The following SV2C variants were observed in gnomAD, a reference collection of about 807,000 sequenced individuals.
The protein encoded by SV2C is solute carrier family 22 member B3.
A neutral mutation model predicts 79.7 loss-of-function variants in SV2C; 49 were observed. The ratio of observed to expected loss-of-function variants is 0.61; its 90% CI spans 0.49 to 0.78. The LOEUF is 0.78. SV2C is among the 30% of genes least tolerant of loss of function. SV2C has a pLI of 0.00. For synonymous variants in SV2C, 334 were observed against 333.2 expected (o/e 1.00, Z -0.03); for missense variants, 833 against 912.9 (o/e 0.91, Z 1.13).
the SV2C span, among the ~76,000 whole-genome samples, chr5:75,997,601 C>T: frequency 6.6e-6 from 1 of 152,178 alleles, no homozygotes; most frequent in African/African-American, 2.4e-5. Context: ...TGCTCATCAT[C>T]ACTGGCCATC....
chr5:75,931,548 A>G, the SV2C span, among the ~76,000 whole-genome samples: 1 of 152,194 alleles, frequency 6.6e-6, no homozygotes, highest in Non-Finnish European at 1.5e-5. Context: ...TGGCTTTTCC[A>G]TAAATGTTGT....
chr5:75,970,198 C>G, the SV2C span, among the ~76,000 whole-genome samples: 1 of 151,914 alleles, frequency 6.6e-6, no homozygotes, highest in Non-Finnish European at 1.5e-5. Context: ...ATGTATAGCA[C>G]TAAATGCCCA....
At chr5:76,077,610 C>A in the SV2C span, among the ~76,000 whole-genome samples, 10 of 152,154 alleles carry the variant, frequency 6.6e-5, no homozygotes, top group African/African-American at 2.4e-4. Context: ...ATGGGGGCAC[C>A]AGCCACAAGA....
chr5:76,280,193 G>A (rs1747140694), intron 4 of SV2C, among the ~76,000 whole-genome samples: 1 of 152,096 alleles, frequency 6.6e-6, no homozygotes, highest in Non-Finnish European at 1.5e-5. Context: ...CAAACAAATG[G>A]AGAGAGAAAT....
intron 2 of SV2C, among the ~76,000 whole-genome samples, chr5:76,192,778 A>G (rs1339533380): frequency 6.6e-6 from 1 of 152,232 alleles, no homozygotes; most frequent in Non-Finnish European, 1.5e-5. Context: ...TTAGTTTTCA[A>G]TACAAACTAA....
At chr5:75,979,223 A>G in the SV2C span, among the ~76,000 whole-genome samples, 1 of 152,170 alleles carries the variant, frequency 6.6e-6, no homozygotes, top group Non-Finnish European at 1.5e-5. Flanking sequence ...GTGCACCCAG[A>G]TTCATAAAGC....
At chr5:76,220,991 G>A (rs540687547) in intron 4 of SV2C, among the ~76,000 whole-genome samples, 5 of 152,278 alleles carry the variant, frequency 3.3e-5, no homozygotes, top group Non-Finnish European at 5.9e-5. Context: ...GTTTATTCCC[G>A]GCAGCAGGGA....
At chr5:76,041,655 G>A in the SV2C span, among the ~76,000 whole-genome samples, 1 of 152,152 alleles carries the variant, frequency 6.6e-6, no homozygotes, top group Non-Finnish European at 1.5e-5. Flanking sequence ...GCAGCCAGAG[G>A]CGGGTCATAG....
chr5:75,891,403 G>A, the SV2C span, among the ~76,000 whole-genome samples: 1 of 152,046 alleles, frequency 6.6e-6, no homozygotes, highest in Admixed American at 6.6e-5. Context: ...TAGATAACAT[G>A]TTCACTCACA....
the SV2C span, among the ~76,000 whole-genome samples, chr5:75,977,127 A>G: frequency 3.3e-5 from 5 of 152,336 alleles, no homozygotes; most frequent in South Asian, 2.1e-4. Flanking sequence ...CTACTATTAA[A>G]TAAAAATTAT....
chr5:76,043,802 C>T, the SV2C span, among the ~76,000 whole-genome samples: 1 of 152,000 alleles, frequency 6.6e-6, no homozygotes, highest in Non-Finnish European at 1.5e-5. Flanking sequence ...TAAAATAAAA[C>T]AAAGCAAAAA....
At chr5:75,850,154 A>G in the SV2C span, among the ~76,000 whole-genome samples, 1 of 152,208 alleles carries the variant, frequency 6.6e-6, no homozygotes, top group Non-Finnish European at 1.5e-5. Flanking sequence ...ATCTTCCCTC[A>G]TATTATGACA....
chr5:75,920,775 G>A, the SV2C span: 1 of 779,994 alleles, frequency 1.3e-6, no homozygotes. Context: ...GGTCCCGTTG[G>A]GGTGCTTGAT....
chr5:75,972,375 T>C, the SV2C span, among the ~76,000 whole-genome samples: 2 of 151,966 alleles, frequency 1.3e-5, no homozygotes, highest in African/African-American at 2.4e-5. Context: ...GAAACTACCA[T>C]CAGAGTGAAC....
chr5:76,152,088 G>A (rs1344915389), intron 2 of SV2C, among the ~76,000 whole-genome samples: 1 of 152,138 alleles, frequency 6.6e-6, no homozygotes, highest in East Asian at 1.9e-4. Flanking sequence ...GAACAAAAAG[G>A]ATTTCAGGAA....
chr5:76,034,163 T>A, the SV2C span, among the ~76,000 whole-genome samples: 1 of 151,220 alleles, frequency 6.6e-6, no homozygotes, highest in African/African-American at 2.4e-5. Flanking sequence ...GACAATGGGG[T>A]TTTCTAGATA....
At position 76,238,318 on chromosome 5, in the gene SV2C, GTA is replaced by G. The variant is rs199698088; in HGVS notation, c.913+28433_913+28434del. Among the ~76,000 whole-genome samples, 700 of 151,880 alleles carry G rather than the reference GTA, an allele frequency of 4.6e-3. 6 individuals are homozygous for G. The highest frequency in any genetic ancestry group is 0.016 in the African/African-American group (654 of 41,324). On this transcript the variant is annotated intron_variant, in intron 4 of 12. Transcript: ENST00000502798. ...GGTGTGTGTGTATGTGTGTGTGTGT[GTA>G]TGTGTGTATGTTCTTTGCCCTTTTT...
intron 4 of SV2C, among the ~76,000 whole-genome samples, chr5:76,212,146 C>T (rs1561266417): frequency 6.6e-6 from 1 of 152,028 alleles, no homozygotes; most frequent in African/African-American, 2.4e-5. Flanking sequence ...CCCTCAGAAC[C>T]TTCCTCGGTA....
chr5:76,353,105 T>C, intron 12 of SV2C: 1 of 337,614 alleles, frequency 3.0e-6, no homozygotes, highest in Non-Finnish European at 5.9e-6. Flanking sequence ...CATGCCCAGC[T>C]AATTTTTTAA....
Sources: allele counts gnomAD v4.1 joint callset (sites outside exome capture counted in the v4.1 genomes callset), GRCh38; gene constraint gnomAD v4.1.1; transcripts MANE v1.5; gene names NCBI Gene and HGNC (gene_info 2026-07-23, HGNC 2026-07-21).